PDE11A: variants seen among roughly 807,000 people sequenced by gnomAD.
PDE11A encodes the protein dual 3',5'-cyclic-AMP and -GMP phosphodiesterase 11A.
Under a neutral mutation model 100.5 loss-of-function variants are expected in PDE11A, and 100 were observed. That is an observed-to-expected ratio of 1.00 (90% confidence interval 0.85 to 1.18). The LOEUF is 1.18. PDE11A is among the 50% of genes most tolerant of loss of function. The pLI is 0.00. For missense variants in PDE11A, 1,141 were observed against 1,152.6 expected (o/e 0.99, Z 0.15); for synonymous variants, 381 against 420.8 (o/e 0.91, Z 1.16).
chr2:177,859,097 G>T (rs192762448), intron 5 of PDE11A, among the ~76,000 whole-genome samples: 64 of 151,908 alleles, frequency 4.2e-4, no homozygotes, highest in Admixed American at 1.1e-3. Flanking sequence ...GGCCTGTCGT[G>T]GGGTGGGGGG....
intron 12 of PDE11A, among the ~76,000 whole-genome samples, chr2:177,717,198 A>C (rs2081450910): frequency 6.6e-6 from 1 of 152,190 alleles, no homozygotes; most frequent in Non-Finnish European, 1.5e-5. Context: ...TTACTGAAGC[A>C]GCACCTATCT....
At chr2:177,772,631 C>T (rs1444261477) in intron 9 of PDE11A, among the ~76,000 whole-genome samples, 1 of 151,562 alleles carries the variant, frequency 6.6e-6, no homozygotes, top group African/African-American at 2.4e-5. Context: ...CCCACAAAAA[C>T]TCAAGCTGCA....
intron 5 of PDE11A, among the ~76,000 whole-genome samples, chr2:177,845,889 G>A (rs1264434932): frequency 9.9e-5 from 15 of 151,878 alleles, no homozygotes; most frequent in East Asian, 9.7e-4. Context: ...GCGTGGCGGC[G>A]CGTGCCTGCA....
In PDE11A at chr2:178,064,802, G is replaced by GA. The variant is rs759778453; in HGVS notation, c.912+6723dup. Among the ~76,000 whole-genome samples, 50 of 151,422 alleles carry GA rather than the reference G, an allele frequency of 3.3e-4. 1 individual carries two copies. The highest frequency in any genetic ancestry group is 3.1e-3 in the South Asian group (15 of 4,786). ...AGTAAGATCTTGTCTCTAAAAAAAA[G>GA]AAAAAAATAGACACCCTAAAGAGGT... On this transcript the variant is annotated intron_variant, in intron 1 of 19. Transcript: ENST00000286063.
intron 10 of PDE11A, among the ~76,000 whole-genome samples, chr2:177,750,137 T>A (rs1245946636): frequency 6.6e-6 from 1 of 152,204 alleles, no homozygotes; most frequent in East Asian, 1.9e-4. Context: ...CATTGTCAGT[T>A]CGGTTTTATT....
Position 177,624,004 on chromosome 2 carries a change from A to G in PDE11A, c.*5403T>C, listed in dbSNP as rs1279524560. On this transcript the variant is annotated 3_prime_UTR_variant, in exon 20 of 20. Transcript: ENST00000286063. ...ACACCTCATTTTATTTCTGCCCTCTATATGTTTTATTCTATTATTCTTCAC... is the reference window on the plus strand; with the variant it reads ...ACACCTCATTTTATTTCTGCCCTCTGTATGTTTTATTCTATTATTCTTCAC... The G allele has an allele frequency of 2.0e-5, 3 of 152,138 alleles. No individual in the cohort carries two copies. Among genetic ancestry groups the G allele is most frequent in the African/African-American group, 7.2e-5 (3 of 41,436 alleles). 9.4% of individuals were successfully genotyped at this position (152,138 alleles called of 1,614,324 possible).
chr2:177,873,323 A>C (rs1334198456), intron 5 of PDE11A, among the ~76,000 whole-genome samples: 1 of 152,214 alleles, frequency 6.6e-6, no homozygotes, highest in Non-Finnish European at 1.5e-5. Context: ...TATCAGCATG[A>C]ATAGAGATTT....
At chr2:177,667,493 G>A (rs892127807) in intron 18 of PDE11A, among the ~76,000 whole-genome samples, 14 of 152,074 alleles carry the variant, frequency 9.2e-5, no homozygotes, top group African/African-American at 2.7e-4. Context: ...TTGAACCATT[G>A]TTGAAAAGAC....
intron 2 of PDE11A, among the ~76,000 whole-genome samples, chr2:177,911,827 T>C (rs1400511695): frequency 1.3e-5 from 2 of 151,684 alleles, no homozygotes; most frequent in Non-Finnish European, 2.9e-5. Context: ...GAGGTTGCAC[T>C]GAGCTGAGAT....
At chr2:178,024,431 T>A (rs2031218499) in intron 1 of PDE11A, among the ~76,000 whole-genome samples, 1 of 151,900 alleles carries the variant, frequency 6.6e-6, no homozygotes, top group Non-Finnish European at 1.5e-5. Context: ...AAATAAAAAA[T>A]AAAAATCCAA....
chr2:177,909,263 T>C, intron 2 of PDE11A, among the ~76,000 whole-genome samples: 1 of 152,216 alleles, frequency 6.6e-6, no homozygotes, highest in South Asian at 2.1e-4. Context: ...CAAAAGAGAC[T>C]CCTGCTGTCT....
chr2:177,768,144 C>T (rs538379407), intron 10 of PDE11A, among the ~76,000 whole-genome samples: 2 of 152,132 alleles, frequency 1.3e-5, no homozygotes, highest in Non-Finnish European at 2.9e-5. Context: ...CCGGCCCTTG[C>T]GAGGAGTTCT....
At chr2:177,856,791 C>A (rs1013966160) in intron 5 of PDE11A, among the ~76,000 whole-genome samples, 5 of 151,868 alleles carry the variant, frequency 3.3e-5, no homozygotes. Flanking sequence ...TGAACAAAGT[C>A]TCAGTAACAT....
At chr2:177,785,952 G>C (rs2082530811) in intron 9 of PDE11A, among the ~76,000 whole-genome samples, 1 of 152,210 alleles carries the variant, frequency 6.6e-6, no homozygotes, top group South Asian at 2.1e-4. Context: ...TCCACTTCTG[G>C]GGGCAGGGCA....
chr2:177,777,141 G>A (rs2082389391), intron 9 of PDE11A, among the ~76,000 whole-genome samples: 2 of 152,018 alleles, frequency 1.3e-5, no homozygotes, highest in African/African-American at 2.4e-5. Flanking sequence ...CCCAGTCTTG[G>A]GTATGCCTTT....
chr2:178,060,006 T>C (rs1160146947), intron 1 of PDE11A, among the ~76,000 whole-genome samples: 1 of 152,242 alleles, frequency 6.6e-6, no homozygotes, highest in Non-Finnish European at 1.5e-5. Context: ...CATTGAAATA[T>C]GAGCAAGAAA....
In PDE11A at chr2:178,099,446, GAAA is replaced by G. The variant is rs201692711; in HGVS notation, c.162+4853_162+4855del. Among the ~76,000 whole-genome samples the G allele has an allele frequency of 5.9e-5, 5 of 84,556 alleles. No homozygotes were observed. In the East Asian group the frequency reaches 1.7e-3, roughly 28 times the overall value. The allele number at this position is 84,556 out of a possible 152,430, so 55.5% of individuals were successfully genotyped here. ...GAGTGAGTGAGACTCCATCTCAAGAGAAAAAAAAAAAAAAAAAAAAAAATTGAA... is the reference window on the plus strand; with the variant it reads ...GAGTGAGTGAGACTCCATCTCAAGAGAAAAAAAAAAAAAAAAAAAATTGAA... On this transcript the variant is annotated intron_variant, in intron 2 of 20. Transcript: ENST00000358450.
intron 2 of PDE11A, among the ~76,000 whole-genome samples, chr2:177,969,200 T>C (rs1327961600): frequency 6.6e-6 from 1 of 152,072 alleles, no homozygotes; most frequent in Non-Finnish European, 1.5e-5. Context: ...TTCTCATTCA[T>C]AAATGGGAGT....
rs71010857 is a variant in PDE11A at position 178,096,169 on chromosome 2, C to CTTTTTTTTTTTTTTTTTTTTTTTTTT, written c.162+8132_162+8133insAAAAAAAAAAAAAAAAAAAAAAAAAA. Among the ~76,000 whole-genome samples the CTTTTTTTTTTTTTTTTTTTTTTTTTT allele has an allele frequency of 8.9e-4, 107 of 120,076 alleles. 3 individuals are homozygous for CTTTTTTTTTTTTTTTTTTTTTTTTTT. The highest frequency in any genetic ancestry group is 1.5e-3 in the Non-Finnish European group (86 of 56,746). 78.8% of individuals were successfully genotyped at this position (120,076 alleles called of 152,430 possible). ...AGAAAACAGGTTTTTCTTTTCTTTT[C>CTTTTTTTTTTTTTTTTTTTTTTTTTT]TTTTTTTTTTTTGAGATGGAGTCTC... On this transcript the variant is annotated intron_variant, in intron 2 of 20. Coordinates refer to the PDE11A transcript ENST00000358450.
Sources: gnomAD v4.1 joint callset for allele counts (sites outside exome capture counted in the v4.1 genomes callset) on GRCh38, gnomAD v4.1.1 for gene constraint, MANE v1.5 for transcripts, NCBI Gene and HGNC (gene_info 2026-07-23, HGNC 2026-07-21) for gene names.